Variants in TTC28 observed in about 807,000 individuals in gnomAD.
TTC28 encodes tetratricopeptide repeat protein 28.
In TTC28, 61 loss-of-function variants were observed where a neutral mutation model predicts 198.0. The ratio of observed to expected loss-of-function variants is 0.31; its 90% CI spans 0.25 to 0.38. The LOEUF is 0.38. Ranked by LOEUF, TTC28 falls within the 10% of genes least tolerant of loss-of-function variation. The pLI, the probability that TTC28 is intolerant of heterozygous loss-of-function variation, is 1.00. For missense variants in TTC28, 2,678 were observed against 3,164.0 expected, an observed-to-expected ratio of 0.85 and a Z score of 3.69; for synonymous variants, 1,171 against 1,297.8, an observed-to-expected ratio of 0.90 and a Z score of 2.10.
intron 5 of TTC28, among the ~76,000 whole-genome samples, chr22:28,290,788 C>T (rs1013742702): frequency 6.6e-6 from 1 of 151,806 alleles, no homozygotes; most frequent in South Asian, 2.1e-4. Flanking sequence ...GGCATGCACC[C>T]GTAGTCTCAG....
chr22:28,656,834 G>C (rs2051665061), intron 1 of TTC28, among the ~76,000 whole-genome samples: 1 of 151,986 alleles, frequency 6.6e-6, no homozygotes, highest in Admixed American at 6.6e-5. Context: ...AATGGCTGCA[G>C]CACACCAACA....
intron 2 of TTC28, among the ~76,000 whole-genome samples, chr22:28,626,152 G>A (rs2051073773): frequency 6.6e-6 from 1 of 151,986 alleles, no homozygotes; most frequent in Non-Finnish European, 1.5e-5. Flanking sequence ...GAAACATAAA[G>A]ATAAATCAAA....
At chr22:28,038,878 T>G (rs1034293469) in intron 12 of TTC28, among the ~76,000 whole-genome samples, 1 of 152,154 alleles carries the variant, frequency 6.6e-6, no homozygotes, top group African/African-American at 2.4e-5. Context: ...CAGACATTTC[T>G]CCAAAGAAGA....
chr22:28,544,795 T>C (rs2049500082), intron 2 of TTC28, among the ~76,000 whole-genome samples: 1 of 152,168 alleles, frequency 6.6e-6, no homozygotes, highest in African/African-American at 2.4e-5. Context: ...ACCAGTGCCA[T>C]AACAGTTTAT....
chr22:28,100,522 C>T (rs747966254), intron 9 of TTC28, among the ~76,000 whole-genome samples: 8 of 152,212 alleles, frequency 5.3e-5, no homozygotes, highest in African/African-American at 7.2e-5. Context: ...CATTCTAGAA[C>T]GCTATGGTGC....
At chr22:28,284,801 C>A (rs2145745474) in intron 5 of TTC28, among the ~76,000 whole-genome samples, 1 of 152,212 alleles carries the variant, frequency 6.6e-6, no homozygotes, top group Non-Finnish European at 1.5e-5. Context: ...AAGATATCAC[C>A]TCATAGCTCT....
intron 4 of TTC28, 89 bp from the exon 5 acceptor site, chr22:28,296,417 C>T (rs905361280): frequency 1.8e-6 from 2 of 1,138,276 alleles, no homozygotes; most frequent in South Asian, 5.6e-5. Context: ...AATTTAAGAG[C>T]CACAGATTTA....
intron 5 of TTC28, among the ~76,000 whole-genome samples, chr22:28,237,512 C>T (rs915779823): frequency 2.6e-5 from 4 of 152,082 alleles, no homozygotes; most frequent in Admixed American, 1.3e-4. Context: ...AATCTTACAA[C>T]GGTATGTACT....
At chr22:28,566,474 C>A (rs944124657) in intron 2 of TTC28, among the ~76,000 whole-genome samples, 1 of 152,204 alleles carries the variant, frequency 6.6e-6, no homozygotes, top group Non-Finnish European at 1.5e-5. Context: ...ACTACTGTAA[C>A]TGAGTAACAG....
intron 2 of TTC28, among the ~76,000 whole-genome samples, chr22:28,603,912 A>C (rs538571325): frequency 6.6e-6 from 1 of 152,268 alleles, no homozygotes; most frequent in South Asian, 2.1e-4. Flanking sequence ...CAATACTTCA[A>C]TTTCCAAAAG....
rs1601547318 is a variant in TTC28 at position 28,546,129 on chromosome 22, G to A, written c.381+83423C>T. On this transcript the variant is annotated intron_variant, in intron 2 of 22. Transcript: ENST00000397906. ...CACTGTGGTATTTGCATAAGGATAG[G>A]TATGTAATAAATCAATAGAACAGAA... 2.0e-5 allele frequency among the ~76,000 whole-genome samples: 3 copies of A among 152,176 alleles called. No homozygotes were observed. In the East Asian group the frequency reaches 5.8e-4, roughly 29 times the overall value.
intron 6 of TTC28, among the ~76,000 whole-genome samples, chr22:28,124,519 AATTATCCTAT>A (rs1311433841): frequency 6.6e-6 from 1 of 152,204 alleles, no homozygotes; most frequent in Non-Finnish European, 1.5e-5. Context: ...TAAATGCTGT[AATTATCCTAT>A]TATTTCAGAT....
At chr22:28,627,359 G>A (rs1481842707) in intron 2 of TTC28, among the ~76,000 whole-genome samples, 2 of 152,142 alleles carry the variant, frequency 1.3e-5, no homozygotes, top group African/African-American at 4.8e-5. Flanking sequence ...TGGAGGAACA[G>A]GAATGTGAAC....
At chr22:28,516,753 G>A (rs1374511706) in intron 2 of TTC28, among the ~76,000 whole-genome samples, 2 of 151,196 alleles carry the variant, frequency 1.3e-5, no homozygotes, top group African/African-American at 4.9e-5. Flanking sequence ...AGAACTTAAA[G>A]TATAATAAAA....
intron 5 of TTC28, among the ~76,000 whole-genome samples, chr22:28,217,372 G>A (rs1251694711): frequency 6.6e-6 from 1 of 152,114 alleles, no homozygotes; most frequent in Non-Finnish European, 1.5e-5. Context: ...AATGAGTTTT[G>A]CCATATACCT....
In TTC28 at chr22:27,981,765, C is replaced by T. The variant is rs943770067; in HGVS notation, c.*456G>A. On this transcript the variant is annotated 3_prime_UTR_variant, in exon 23 of 23. Coordinates refer to ENST00000397906, the MANE Select transcript of TTC28 (RefSeq NM_001145418.2). ...AGAATTCAACTGAAATTTCATATAT[C>T]CCACCCCCAACCAGCAACCGAAAGC... 9 of 154,938 alleles carry T rather than the reference C, an allele frequency of 5.8e-5. No individual in the cohort carries two copies. Among genetic ancestry groups the T allele is most frequent in the African/African-American group, 1.9e-4 (8 of 41,494 alleles). The allele number at this position is 154,938 out of a possible 1,614,324, so 9.6% of individuals were successfully genotyped here.
At chr22:28,596,701 T>C (rs1218074947) in intron 2 of TTC28, among the ~76,000 whole-genome samples, 1 of 152,206 alleles carries the variant, frequency 6.6e-6, no homozygotes, top group Non-Finnish European at 1.5e-5. Flanking sequence ...AGCTCCTGCA[T>C]AAACTACTGT....
intron 5 of TTC28, among the ~76,000 whole-genome samples, chr22:28,285,774 C>T (rs1245760986): frequency 6.6e-6 from 1 of 152,066 alleles, no homozygotes; most frequent in Non-Finnish European, 1.5e-5. Flanking sequence ...ACCTAGCAAT[C>T]CCACTTCTCA....
chr22:28,355,218 C>T (rs947076669), intron 2 of TTC28, among the ~76,000 whole-genome samples: 1 of 151,764 alleles, frequency 6.6e-6, no homozygotes, highest in African/African-American at 2.4e-5. Flanking sequence ...ATCTACTTGC[C>T]CTTATTTAAA....
Sources: allele counts gnomAD v4.1 joint callset (sites outside exome capture counted in the v4.1 genomes callset), GRCh38; gene constraint gnomAD v4.1.1; transcripts MANE v1.5; gene names NCBI Gene and HGNC (gene_info 2026-07-23, HGNC 2026-07-21).